Variants in HECTD4 observed in about 807,000 individuals in gnomAD.
HECTD4 encodes HECT domain E3 ubiquitin protein ligase 4.
In HECTD4, 114 loss-of-function variants were observed where a neutral mutation model predicts 471.5. That is an observed-to-expected ratio of 0.24 (90% confidence interval 0.21 to 0.28). The LOEUF (loss-of-function observed/expected upper bound fraction) is 0.28. Among genes scored for constraint, HECTD4 ranks in the 10% least tolerant of loss-of-function variants. HECTD4 has a pLI of 1.00. For synonymous variants in HECTD4, 2,012 were observed against 2,256.0 expected (o/e 0.89, Z 3.07); for missense variants, 3,866 against 5,651.5 (o/e 0.68, Z 10.13).
At chr12:112,241,591 A>G (rs1468058774) in intron 32 of HECTD4, among the ~76,000 whole-genome samples, 1 of 152,148 alleles carries the variant, frequency 6.6e-6, no homozygotes, top group Non-Finnish European at 1.5e-5. Flanking sequence ...CTTCTCCAGT[A>G]GCTGGGACCA....
rs182523715 is a variant in HECTD4 at position 112,243,285 on chromosome 12, A to G, written c.4958+68T>C. On this transcript the variant is annotated intron_variant, in intron 32 of 75. Coordinates refer to ENST00000682272, the MANE Select transcript of HECTD4 (RefSeq NM_001388303.1). This position sits in a 1 kb window ranked among gnomAD's most constrained non-coding sequence, Gnocchi z 6.6. ...ATACTACCGCCTATGTTTGGGTCCC[A>G]AGAATAATCTTTTGAATGGCTCTGA... The G allele has an allele frequency of 1.5e-5, 21 of 1,406,432 alleles. No individual in the cohort carries two copies. The Admixed American group carries it at 4.0e-4, about 27-fold the overall frequency. 87.1% of individuals were successfully genotyped at this position (1,406,432 alleles called of 1,614,324 possible).
Position 112,294,221 on chromosome 12 carries a change from T to C in HECTD4, c.1336-10919A>G, listed in dbSNP as rs11066242. On this transcript the variant is annotated intron_variant, in intron 7 of 75. Transcript: ENST00000682272. ...AGCACTTATCAATACTCCTAAGTAT[T>C]GGAGTGAAATCATAATTACCAGCAA... Among the ~76,000 whole-genome samples the C allele has an allele frequency of 0.056, 8,477 of 152,280 alleles. 1,293 individuals are homozygous for C. The East Asian group carries it at 0.61, about 11-fold the overall frequency.
intron 12 of HECTD4, 70 bp downstream of exon 12, chr12:112,270,157 A>C: frequency 1.5e-6 from 2 of 1,337,624 alleles, no homozygotes; most frequent in Non-Finnish European, 2.1e-6. Context: ...GGTAAAAATG[A>C]ACTGGCTGAA....
chr12:112,354,019 G>A (rs2036290322), intron 1 of HECTD4, among the ~76,000 whole-genome samples: 1 of 152,040 alleles, frequency 6.6e-6, no homozygotes, highest in African/African-American at 2.4e-5. Flanking sequence ...GCCAGTCTGG[G>A]TAACACAGCA....
chr12:112,260,517 CA>C (rs1169537102), intron 18 of HECTD4, among the ~76,000 whole-genome samples: 1 of 152,016 alleles, frequency 6.6e-6, no homozygotes, highest in Admixed American at 6.6e-5. Flanking sequence ...TCTACAGCTC[CA>C]ACATGCAAAT....
At chr12:112,272,322 T>G (rs2034432215) in intron 11 of HECTD4, among the ~76,000 whole-genome samples, 1 of 152,244 alleles carries the variant, frequency 6.6e-6, no homozygotes, top group African/African-American at 2.4e-5. Flanking sequence ...AGTGCTGGGA[T>G]TACAGGTGTG....
rs2135681294 is a variant in HECTD4, at chr12:112,305,843, T to G, written c.1335+221A>C. On this transcript the variant is annotated intron_variant, in intron 7 of 75. Coordinates refer to ENST00000682272, the MANE Select transcript of HECTD4 (RefSeq NM_001388303.1). Reference sequence around the variant, plus strand: ...TGTCTACACATTAAATAATGTTATCTCCAGTCATCAGATTAACATTCAGAA... The same window carrying G: ...TGTCTACACATTAAATAATGTTATCGCCAGTCATCAGATTAACATTCAGAA... Among the ~76,000 whole-genome samples, 2 of 152,322 alleles carry G rather than the reference T, an allele frequency of 1.3e-5. 1 individual carries two copies. The highest frequency in any genetic ancestry group is 4.1e-4 in the South Asian group (2 of 4,826).
chr12:112,253,424 C>T (rs1347865797), intron 22 of HECTD4, among the ~76,000 whole-genome samples: 3 of 152,200 alleles, frequency 2.0e-5, no homozygotes, highest in Non-Finnish European at 4.4e-5. Flanking sequence ...TGCACCTGGC[C>T]ATAATTTCTA....
intron 59 of HECTD4, among the ~76,000 whole-genome samples, chr12:112,192,043 T>C (rs1251475451): frequency 6.6e-6 from 1 of 152,094 alleles, no homozygotes; most frequent in Non-Finnish European, 1.5e-5. Flanking sequence ...GCAGTGACAG[T>C]TTCAGGGCAT....
At chr12:112,237,946 G>T (rs1047218153) in intron 34 of HECTD4, among the ~76,000 whole-genome samples, 1 of 151,956 alleles carries the variant, frequency 6.6e-6, no homozygotes, top group African/African-American at 2.4e-5. Flanking sequence ...TAGAGATGGG[G>T]TTTCTCCATG....
chr12:112,286,961 T>C (rs958132942), intron 7 of HECTD4, among the ~76,000 whole-genome samples: 5 of 152,134 alleles, frequency 3.3e-5, no homozygotes, highest in Non-Finnish European at 5.9e-5. Flanking sequence ...GTGCTACCCA[T>C]CCGTTGCAGT....
At chr12:112,284,383 TA>T (rs1219349897) in intron 7 of HECTD4, among the ~76,000 whole-genome samples, 2 of 151,742 alleles carry the variant, frequency 1.3e-5, no homozygotes, top group Non-Finnish European at 2.9e-5. Context: ...GGTGTGGAGA[TA>T]AGAGGGAATG....
chr12:112,219,086 A>G (rs2135552646), intron 45 of HECTD4, among the ~76,000 whole-genome samples: 1 of 152,132 alleles, frequency 6.6e-6, no homozygotes, highest in Middle Eastern at 3.4e-3. Context: ...AACTGACTGT[A>G]TCTCTAAACT....
intron 1 of HECTD4, among the ~76,000 whole-genome samples, chr12:112,380,262 T>C (rs1162236049): frequency 6.6e-6 from 1 of 152,008 alleles, no homozygotes; most frequent in African/African-American, 2.4e-5. Context: ...CTGGCCAACA[T>C]GGTGAAACCC....
chr12:112,314,442 A>G lies in HECTD4; in HGVS notation c.785+15T>C, dbSNP rs1415109487. The G allele has an allele frequency of 7.1e-7, 1 of 1,406,716 alleles. No homozygotes were observed. The highest frequency in any genetic ancestry group is 2.0e-5 in the Admixed American group (1 of 50,566). 87.1% of individuals were successfully genotyped at this position (1,406,716 alleles called of 1,614,324 possible). The stretch of plus-strand genomic sequence containing the variant: ...TAGTTTGGAAGGAGGGTAAGGATAC[A>G]AAGTGACAACTTACCTATATAGCAC... On this transcript the variant is annotated intron_variant, in intron 3 of 75. Transcript: ENST00000682272.
Position 112,162,569 on chromosome 12 carries a change from G to A in HECTD4, c.13121-46C>T, listed in dbSNP as rs1183564628. 1.2e-6 allele frequency: 2 copies of A among 1,612,196 alleles called. No homozygotes were observed. Among genetic ancestry groups the A allele is most frequent in the African/African-American group, 1.3e-5 (1 of 75,022 alleles). ...ATCAGAGGGTTGGGCCCACATCTGT[G>A]AGGCTCCCAGGGAAGCTGGGCTGGC... On this transcript the variant is annotated intron_variant, in intron 75 of 75. Coordinates refer to ENST00000682272, the MANE Select transcript of HECTD4 (RefSeq NM_001388303.1). The surrounding 1 kb of genome is among the most constrained non-coding windows in gnomAD (Gnocchi z 5.2).
At chr12:112,230,094 A>C (rs1047048362) in intron 40 of HECTD4, among the ~76,000 whole-genome samples, 2 of 152,222 alleles carry the variant, frequency 1.3e-5, no homozygotes, top group African/African-American at 2.4e-5. Context: ...TGGGAGAATC[A>C]AACATCATGT....
At chr12:112,208,388 C>T (rs149972354) in intron 51 of HECTD4, 106 bp downstream of exon 51, 2 of 1,175,834 alleles carry the variant, frequency 1.7e-6, no homozygotes, top group East Asian at 5.3e-5. Flanking sequence ...AGTAACAAAA[C>T]CAGCTTTGCA....
At chr12:112,203,858 G>GACAGCA in intron 53 of HECTD4, 86 bp from the exon 54 acceptor site, 1 of 692,184 alleles carries the variant, frequency 1.4e-6, no homozygotes, top group Non-Finnish European at 2.2e-6. Context: ...TAGCTCTCCA[G>GACAGCA]ATAAACATAA....
Sources: allele counts gnomAD v4.1 joint callset (sites outside exome capture counted in the v4.1 genomes callset), GRCh38; gene constraint gnomAD v4.1.1; non-coding constraint Gnocchi (gnomAD v3.1); transcripts MANE v1.5; gene names NCBI Gene and HGNC (gene_info 2026-07-23, HGNC 2026-07-21).